Variants in C6 observed in about 807,000 individuals in gnomAD.
C6 encodes complement C6.
In C6, 101 loss-of-function variants were observed where a neutral mutation model predicts 112.9. The observed-to-expected ratio is 0.89, with a 90% CI of 0.76 to 1.06. The LOEUF (loss-of-function observed/expected upper bound fraction) is 1.06. Among genes scored for constraint, C6 ranks in the 50% least tolerant of loss-of-function variants. The probability of loss-of-function intolerance (pLI) is 0.00; values close to 1 mark genes in which losing one functional copy is unlikely to be tolerated. For missense variants in C6, 1,202 were observed against 1,104.6 expected, an observed-to-expected ratio of 1.09 and a Z score of -1.25; for synonymous variants, 431 against 384.1, an observed-to-expected ratio of 1.12 and a Z score of -1.43.
At chr5:41,239,194 C>T (rs1740539660) in intron 1 of C6, among the ~76,000 whole-genome samples, 1 of 150,734 alleles carries the variant, frequency 6.6e-6, no homozygotes, top group South Asian at 2.1e-4. Flanking sequence ...TTCACTGCAC[C>T]TCCACCTCCC....
chr5:41,220,780 T>A (rs1739115891), intron 1 of C6, among the ~76,000 whole-genome samples: 1 of 152,130 alleles, frequency 6.6e-6, no homozygotes, highest in Non-Finnish European at 1.5e-5. Flanking sequence ...TATTGAGGTT[T>A]GGGGTACAAA....
intron 1 of C6, among the ~76,000 whole-genome samples, chr5:41,252,836 G>C (rs1037887005): frequency 6.6e-6 from 1 of 152,160 alleles, no homozygotes; most frequent in African/African-American, 2.4e-5. Context: ...TTGCCAATCA[G>C]AAAATCTTTG....
chr5:41,259,104 T>G (rs1370365432), intron 1 of C6, among the ~76,000 whole-genome samples: 1 of 152,226 alleles, frequency 6.6e-6, no homozygotes, highest in Non-Finnish European at 1.5e-5. Flanking sequence ...GATGAGAAGT[T>G]TCATTTTAAA....
chr5:41,253,733 G>A (rs1741507365), intron 1 of C6, among the ~76,000 whole-genome samples: 2 of 152,140 alleles, frequency 1.3e-5, no homozygotes, highest in South Asian at 4.1e-4. Context: ...CGGATAATAT[G>A]TGCTATTGTT....
chr5:41,195,957 T>C, intron 4 of C6, 24 bp from the exon 5 acceptor site: 5 of 1,612,798 alleles, frequency 3.1e-6, no homozygotes, highest in Non-Finnish European at 4.2e-6. Context: ...GCAAACAAAA[T>C]CAATGCAACA....
Position 41,159,095 on chromosome 5 carries a change from T to A in C6, c.1843A>T (p.Ile615Phe). The change falls in exon 12 of 18, where the codon ATC becomes TTC. Residue 615 changes from isoleucine to phenylalanine, a missense_variant. Transcript: ENST00000337836. ...ACCCGGCCTTACTTGTTTTCCATGA[T>A]TGAAAATGTGCAGTCTTCCTCTTGT... ...KRQEEDCTFS[I>F]MENNGQPCIN... 1 of 1,613,692 alleles carries A rather than the reference T, an allele frequency of 6.2e-7. No homozygotes were observed. The highest frequency in any genetic ancestry group is 1.1e-5 in the South Asian group (1 of 91,088).
At chr5:41,197,502 C>T (rs2150357848) in intron 4 of C6, among the ~76,000 whole-genome samples, 1 of 152,174 alleles carries the variant, frequency 6.6e-6, no homozygotes, top group Middle Eastern at 3.4e-3. Flanking sequence ...GAACCTAGCA[C>T]TTACAAATTT....
intron 15 of C6, among the ~76,000 whole-genome samples, chr5:41,150,617 AG>A (rs1438553243): frequency 6.6e-6 from 1 of 152,164 alleles, no homozygotes; most frequent in African/African-American, 2.4e-5. Flanking sequence ...GGTCGGGCAT[AG>A]TGGCTCACGC....
At chr5:41,204,658 G>GT (rs1751284030) in intron 1 of C6, among the ~76,000 whole-genome samples, 6 of 99,614 alleles carry the variant, frequency 6.0e-5, no homozygotes, top group African/African-American at 1.3e-4. Context: ...AAATCAGTAA[G>GT]CTTTTTTTTT....
chr5:41,186,299 C>A, intron 5 of C6, 91 bp from the exon 6 acceptor site: 4 of 1,414,048 alleles, frequency 2.8e-6, no homozygotes, highest in Non-Finnish European at 3.9e-6. Flanking sequence ...CTCTTCTAAA[C>A]CTTTTTGCCT....
chr5:41,159,122 G>C lies in C6; in HGVS notation c.1816C>G (p.Arg606Gly), dbSNP rs191386155. The change falls in exon 12 of 18, where the codon CGA becomes GGA. Residue 606 changes from arginine to glycine, a missense_variant. Coordinates refer to ENST00000337836, the MANE Select transcript of C6 (RefSeq NM_000065.5). ...RGGKRCEGEKRQEEDCTFSIM... is the reference protein window; with the variant it reads ...RGGKRCEGEKGQEEDCTFSIM... The stretch of plus-strand genomic sequence containing the variant: ...GAAAATGTGCAGTCTTCCTCTTGTC[G>C]CTTCTCCCCCTCACAGCGTTTCCCT... 1.9e-6 allele frequency: 3 copies of C among 1,613,530 alleles called. No homozygotes were observed. Among genetic ancestry groups the C allele is most frequent in the Non-Finnish European group, 2.5e-6 (3 of 1,179,708 alleles).
At chr5:41,196,489 G>A (rs906821033) in intron 4 of C6, among the ~76,000 whole-genome samples, 3 of 151,638 alleles carry the variant, frequency 2.0e-5, no homozygotes, top group African/African-American at 7.3e-5. Flanking sequence ...AGCTTTTTGG[G>A]TTTATGGGAA....
At chr5:41,180,282 A>G (rs1749218258) in intron 7 of C6, among the ~76,000 whole-genome samples, 1 of 152,154 alleles carries the variant, frequency 6.6e-6, no homozygotes, top group Admixed American at 6.6e-5. Context: ...CTCCCTCTCT[A>G]GTTCCATGAT....
chr5:41,180,712 GAGA>G (rs1749258482), intron 7 of C6, among the ~76,000 whole-genome samples: 1 of 151,914 alleles, frequency 6.6e-6, no homozygotes. Context: ...CTACTATCAA[GAGA>G]AGAAGATTAT....
intron 15 of C6, among the ~76,000 whole-genome samples, chr5:41,150,245 A>G (rs753702199): frequency 2.0e-5 from 3 of 152,196 alleles, no homozygotes; most frequent in Non-Finnish European, 4.4e-5. Context: ...AATTGCGATT[A>G]TGTTCAGATA....
chr5:41,245,720 G>T (rs1294868599), intron 1 of C6, among the ~76,000 whole-genome samples: 1 of 151,856 alleles, frequency 6.6e-6, no homozygotes, highest in Non-Finnish European at 1.5e-5. Context: ...TATTAATATA[G>T]GAAATTACAT....
chr5:41,245,829 C>T (rs10472351), intron 1 of C6, among the ~76,000 whole-genome samples: 3,860 of 152,054 alleles, frequency 0.025, 160 homozygotes, highest in African/African-American at 0.088. Flanking sequence ...ACTGAAAATC[C>T]TTGCTTGATG....
intron 1 of C6, among the ~76,000 whole-genome samples, chr5:41,245,523 A>G (rs1740969769): frequency 6.6e-6 from 1 of 152,158 alleles, no homozygotes; most frequent in South Asian, 2.1e-4. Context: ...AAAATTTAAC[A>G]AGATTCACTA....
intron 10 of C6, among the ~76,000 whole-genome samples, chr5:41,161,045 C>T (rs868029429): frequency 1.1e-4 from 16 of 152,108 alleles, no homozygotes; most frequent in African/African-American, 1.9e-4. Flanking sequence ...CACATCTTCA[C>T]GCTGCAGGCA....
Sources: allele counts gnomAD v4.1 joint callset (sites outside exome capture counted in the v4.1 genomes callset), GRCh38; gene constraint gnomAD v4.1.1; transcripts MANE v1.5; gene names NCBI Gene and HGNC (gene_info 2026-07-23, HGNC 2026-07-21).